PHAF1: variants seen among roughly 807,000 people sequenced by gnomAD.
PHAF1 encodes phagophore assembly factor 1.
Under a neutral mutation model 63.1 loss-of-function variants are expected in PHAF1, and 23 were observed. That is an observed-to-expected ratio of 0.36 (90% CI 0.26 to 0.52). PHAF1 has a LOEUF of 0.52. Ranked by LOEUF, PHAF1 falls within the 20% of genes least tolerant of loss-of-function variation. PHAF1 has a pLI of 0.93. For synonymous variants in PHAF1, 167 were observed against 185.0 expected, an observed-to-expected ratio of 0.90 and a Z score of 0.79; for missense variants, 427 against 517.2, an observed-to-expected ratio of 0.83 and a Z score of 1.69.
Position 67,147,197 on chromosome 16 carries a change from T to C in PHAF1, c.*66T>C. The C allele has an allele frequency of 6.9e-7, 1 of 1,453,700 alleles. No homozygotes were observed. The highest frequency in any genetic ancestry group is 9.6e-7 in the Non-Finnish European group (1 of 1,038,722). 90.1% of individuals were successfully genotyped at this position (1,453,700 alleles called of 1,614,324 possible). A position where few individuals can be genotyped will look rare whatever the true frequency, so the allele number is the denominator to read the frequency against. On this transcript the variant is annotated 3_prime_UTR_variant, in exon 16 of 16. Transcript: ENST00000219139. ...CATCACATCCTGCTCAGTGGGCCTC[T>C]GTACCACCCTGTGGGTTTTCTTGGA...
In PHAF1 at chr16:67,134,674, A is replaced by T. The variant is rs1370154594; in HGVS notation, c.661+207A>T. On this transcript the variant is annotated intron_variant, in intron 8 of 15. Transcript: ENST00000219139. The stretch of plus-strand genomic sequence containing the variant: ...AGATCAAGGCACTGGCAGATTCAGT[A>T]TCTGGATGCGCCTGCAGTCTAGTTC... 5 of 665,862 alleles carry T rather than the reference A, an allele frequency of 7.5e-6. No homozygotes were observed. In the East Asian group the frequency reaches 1.5e-4, roughly 20 times the overall value. 41.2% of individuals were successfully genotyped at this position (665,862 alleles called of 1,614,324 possible). A position where few individuals can be genotyped will look rare whatever the true frequency, so the allele number is the denominator to read the frequency against.
At chr16:67,137,587 G>A (rs1963657239) in intron 8 of PHAF1, among the ~76,000 whole-genome samples, 1 of 152,120 alleles carries the variant, frequency 6.6e-6, no homozygotes, top group African/African-American at 2.4e-5. Flanking sequence ...CCAAAGTGCT[G>A]GGATTACAGG....
At chr16:67,146,448 C>G in intron 15 of PHAF1, 98 bp downstream of exon 15, 1 of 1,236,492 alleles carries the variant, frequency 8.1e-7, no homozygotes, top group Non-Finnish European at 1.2e-6. Flanking sequence ...GGCATCACTG[C>G]CATAGTGGGC....
chr16:67,120,172 T>C lies in PHAF1; in HGVS notation c.125T>C (p.Val42Ala). Residue 42 changes from valine to alanine, a missense_variant, in exon 2 of 16, where the codon GTC (valine) becomes GCC (alanine). Physicochemically the swap from Val to Ala is moderately conservative, Grantham distance 64 (BLOSUM62 0). Transcript: ENST00000219139. ...AAGCACTGTCGCATCATCAAAAACGTCCAGGTTCTCTACAGTGAACAGGTG... is the reference window on the plus strand; with the variant it reads ...AAGCACTGTCGCATCATCAAAAACGCCCAGGTTCTCTACAGTGAACAGGTG... Reference protein sequence around the residue: ...LQKHCRIIKNVQVLYSEQSPL... With the variant: ...LQKHCRIIKNAQVLYSEQSPL... 1 of 1,614,068 alleles carries C rather than the reference T, an allele frequency of 6.2e-7. No individual in the cohort carries two copies. The highest frequency in any genetic ancestry group is 1.7e-5 in the Admixed American group (1 of 60,006).
At chr16:67,121,560 G>A (rs1180142458) in intron 2 of PHAF1, among the ~76,000 whole-genome samples, 5 of 150,464 alleles carry the variant, frequency 3.3e-5, no homozygotes, top group Non-Finnish European at 7.4e-5. Context: ...GTGGATTCTC[G>A]TTAATTAAAT....
intron 8 of PHAF1, 137 bp from the exon 9 acceptor site, chr16:67,139,847 T>G: frequency 3.3e-6 from 3 of 902,500 alleles, no homozygotes; most frequent in Non-Finnish European, 5.2e-6. Flanking sequence ...GGTGACCTGA[T>G]GTTTCTGATT....
intron 10 of PHAF1, among the ~76,000 whole-genome samples, chr16:67,141,967 G>A (rs904613382): frequency 2.0e-5 from 3 of 152,206 alleles, no homozygotes; most frequent in Admixed American, 6.5e-5. Context: ...CCCACCATTC[G>A]GTGGGTCCCG....
chr16:67,146,804 G>A (rs1261229552), intron 15 of PHAF1, among the ~76,000 whole-genome samples: 1 of 152,158 alleles, frequency 6.6e-6, no homozygotes, highest in Non-Finnish European at 1.5e-5. Context: ...ATCTCCAGCA[G>A]ACACTTAACA....
Position 67,147,100 on chromosome 16 carries a change from G to A in PHAF1, c.1238G>A (p.Gly413Asp). 1 of 1,613,944 alleles carries A rather than the reference G, an allele frequency of 6.2e-7. No homozygotes were observed. The part of the protein sequence containing the change: ...SVTLYGPPRP[G>D]SHLRTAELP The stretch of plus-strand genomic sequence containing the variant: ...ACCCTGTATGGCCCCCCCAGGCCTG[G>A]TAGCCACCTGAGAACAGCGGAACTC... The change falls in exon 16 of 16, where the codon GGT becomes GAT. Residue 413 changes from glycine (G) to aspartate (D), a missense_variant. Gly to Asp is a moderately conservative substitution (Grantham distance 94). Transcript: ENST00000219139.
intron 1 of PHAF1, among the ~76,000 whole-genome samples, chr16:67,112,929 C>T (rs1488738581): frequency 6.6e-6 from 1 of 152,122 alleles, no homozygotes; most frequent in Admixed American, 6.5e-5. Flanking sequence ...CCTCCCCCAC[C>T]CTGAACACGT....
chr16:67,136,755 T>C (rs1466683600), intron 8 of PHAF1, among the ~76,000 whole-genome samples: 2 of 151,802 alleles, frequency 1.3e-5, no homozygotes, highest in Admixed American at 1.3e-4. Flanking sequence ...GCTAATTCTA[T>C]TTTTTTGTAG....
At chr16:67,139,167 C>G (rs571501247) in intron 8 of PHAF1, among the ~76,000 whole-genome samples, 1 of 151,978 alleles carries the variant, frequency 6.6e-6, no homozygotes, top group South Asian at 2.1e-4. Flanking sequence ...AGCAGTTCAC[C>G]CCGCTTGGCC....
chr16:67,133,544 C>T (rs1335284639), intron 6 of PHAF1, among the ~76,000 whole-genome samples: 10 of 148,578 alleles, frequency 6.7e-5, no homozygotes, highest in South Asian at 2.2e-4. Context: ...CAGTGGCTCA[C>T]GCTTGTAATC....
At chr16:67,112,325 C>G (rs1017481818) in intron 1 of PHAF1, among the ~76,000 whole-genome samples, 2 of 143,094 alleles carry the variant, frequency 1.4e-5, no homozygotes, top group African/African-American at 5.2e-5. Flanking sequence ...AGGAGGATAG[C>G]TTGAAGCCAG....
At chr16:67,142,647 A>G (rs1419451591) in intron 10 of PHAF1, among the ~76,000 whole-genome samples, 1 of 152,200 alleles carries the variant, frequency 6.6e-6, no homozygotes, top group Admixed American at 6.5e-5. Flanking sequence ...GAGGCTAGGT[A>G]GTGGGAGCAG....
Position 67,145,359 on chromosome 16 carries a change from C to CT in PHAF1, c.1007-16dup. ...CTGGGCCAGCTACAAATCTGCCCCA[C>CT]TGTCTTCTCTTTTCAGAAAACGCAG... On this transcript the variant is annotated splice_polypyrimidine_tract_variant and intron_variant, in intron 12 of 15. Transcript: ENST00000219139. 1.2e-6 allele frequency: 2 copies of CT among 1,613,972 alleles called. No individual in the cohort carries two copies. The highest frequency in any genetic ancestry group is 1.7e-6 in the Non-Finnish European group (2 of 1,179,916).
intron 8 of PHAF1, among the ~76,000 whole-genome samples, chr16:67,137,959 C>T (rs1152084): frequency 0.017 from 2,579 of 152,300 alleles, 50 homozygotes; most frequent in Middle Eastern, 0.058. Flanking sequence ...TCATATCCTT[C>T]CTTATGGAAT....
At chr16:67,132,593 T>G in intron 5 of PHAF1, 68 bp downstream of exon 5, 45 of 1,500,288 alleles carry the variant, frequency 3.0e-5, no homozygotes, top group Non-Finnish European at 3.9e-5. Context: ...TGCCCGGTAG[T>G]GCCATCCCAC....
Position 67,118,766 on chromosome 16 carries a change from CTTTTTTTTTTTT to C in PHAF1, c.65-1331_65-1320del, listed in dbSNP as rs910658530. Among the ~76,000 whole-genome samples the C allele has an allele frequency of 3.0e-5, 3 of 99,996 alleles. No homozygotes were observed. The East Asian group carries it at 7.7e-4, about 26-fold the overall frequency. The allele number at this position is 99,996 out of a possible 152,430, so 65.6% of individuals were successfully genotyped here. On this transcript the variant is annotated intron_variant, in intron 1 of 15. Transcript: ENST00000219139. ...ATTCTGGTGGATGAGTGATCTTAAA[CTTTTTTTTTTTT>C]TTTTTTTTTTTTTTGAGATAGGGTC...
Sources: allele counts gnomAD v4.1 joint callset (sites outside exome capture counted in the v4.1 genomes callset), GRCh38; gene constraint gnomAD v4.1.1; transcripts MANE v1.5; gene names NCBI Gene and HGNC (gene_info 2026-07-23, HGNC 2026-07-21).